Variants in CD28 observed in about 807,000 individuals in gnomAD.
CD28 encodes T-cell-specific surface glycoprotein CD28.
A neutral mutation model predicts 21.4 loss-of-function variants in CD28; 8 were observed. The ratio of observed to expected loss-of-function variants is 0.37; its 90% CI spans 0.22 to 0.68. The LOEUF (loss-of-function observed/expected upper bound fraction) is 0.68, where lower values mean the gene tolerates loss of function less well. CD28 is among the 30% of genes least tolerant of loss of function. The probability of loss-of-function intolerance (pLI) is 0.55; values close to 1 mark genes in which losing one functional copy is unlikely to be tolerated. For missense variants in CD28, 239 were observed against 272.2 expected (o/e 0.88, Z 0.86); for synonymous variants, 106 against 104.0 (o/e 1.02, Z -0.12).
Position 203,735,557 on chromosome 2 carries a change from G to A in CD28, c.*645G>A, listed in dbSNP as rs200337777. On this transcript the variant is annotated 3_prime_UTR_variant, in exon 4 of 4. Transcript: ENST00000324106. Reference sequence around the variant, plus strand: ...CCAAATGAGGGATTTGGTCAAATGAGGGATTCCCTCAAAGCAATATCAGGT... The same window carrying A: ...CCAAATGAGGGATTTGGTCAAATGAAGGATTCCCTCAAAGCAATATCAGGT... The A allele has an allele frequency of 1.5e-4, 23 of 152,594 alleles. No individual in the cohort carries two copies. The highest frequency in any genetic ancestry group is 5.1e-4 in the African/African-American group (21 of 41,422). The allele number at this position is 152,594 out of a possible 1,614,324, so 9.5% of individuals were successfully genotyped here.
intron 1 of CD28, among the ~76,000 whole-genome samples, chr2:203,714,688 T>G (rs187288333): frequency 6.6e-4 from 101 of 152,256 alleles, no homozygotes; most frequent in Non-Finnish European, 1.3e-3. Flanking sequence ...GAAGTGGAAT[T>G]TTTTAAAAAG....
intron 3 of CD28, among the ~76,000 whole-genome samples, chr2:203,732,850 C>A (rs1004136790): frequency 6.6e-6 from 1 of 152,198 alleles, no homozygotes; most frequent in African/African-American, 2.4e-5. Context: ...AGTAAGTCTG[C>A]CATCTGACAA....
intron 1 of CD28, among the ~76,000 whole-genome samples, chr2:203,712,163 G>A (rs907173153): frequency 2.6e-5 from 4 of 151,618 alleles, no homozygotes; most frequent in African/African-American, 9.7e-5. Context: ...ATGCACTCCA[G>A]CCTGGGTGAC....
intron 1 of CD28, among the ~76,000 whole-genome samples, chr2:203,713,974 A>G (rs997610902): frequency 6.6e-5 from 10 of 151,456 alleles, no homozygotes; most frequent in African/African-American, 2.4e-4. Context: ...GGAGAGGAAA[A>G]AAAGAGGGTG....
In CD28 at chr2:203,737,143, T is replaced by C. The variant is rs1422646191; in HGVS notation, c.*2231T>C. 6.6e-6 allele frequency: 1 copy of C among 152,222 alleles called. No individual in the cohort carries two copies. Among genetic ancestry groups the C allele is most frequent in the Non-Finnish European group, 1.5e-5 (1 of 68,046 alleles). The allele number at this position is 152,222 out of a possible 1,614,324, so 9.4% of individuals were successfully genotyped here. Reference sequence around the variant, plus strand: ...ATAGAAAGAGGTCTTTTAATTTTTTTTTAATGTGAGAAGGAAGGGAGGAGT... The same window carrying C: ...ATAGAAAGAGGTCTTTTAATTTTTTCTTAATGTGAGAAGGAAGGGAGGAGT... On this transcript the variant is annotated 3_prime_UTR_variant, in exon 4 of 4. Transcript: ENST00000324106.
intron 1 of CD28, among the ~76,000 whole-genome samples, chr2:203,723,824 C>T (rs1693672351): frequency 6.6e-6 from 1 of 152,188 alleles, no homozygotes; most frequent in Non-Finnish European, 1.5e-5. Context: ...GCTTTGGCAA[C>T]AGTTTGACGA....
At chr2:203,727,337 G>A (rs1293880024) in intron 2 of CD28, among the ~76,000 whole-genome samples, 2 of 151,952 alleles carry the variant, frequency 1.3e-5, no homozygotes, top group African/African-American at 4.8e-5. Context: ...GGGTCTAATG[G>A]GTTAAGACTC....
At chr2:203,712,197 C>CAA (rs1442567377) in intron 1 of CD28, among the ~76,000 whole-genome samples, 3 of 82,454 alleles carry the variant, frequency 3.6e-5, no homozygotes, top group African/African-American at 1.2e-4. Flanking sequence ...GTCTCAACAA[C>CAA]AACAAAAAAA....
intron 3 of CD28, 131 bp downstream of exon 3, chr2:203,729,903 A>G (rs745788782): frequency 3.6e-5 from 33 of 904,672 alleles, no homozygotes; most frequent in Non-Finnish European, 5.4e-5. Flanking sequence ...CCCATGCTTG[A>G]GTAGGTTCTC....
chr2:203,710,976 CT>C lies in CD28; in HGVS notation c.52+4229del, dbSNP rs567976870. 5.3e-5 allele frequency among the ~76,000 whole-genome samples: 8 copies of C among 152,282 alleles called. No homozygotes were observed. In the East Asian group the frequency reaches 1.5e-3, roughly 29 times the overall value. The stretch of plus-strand genomic sequence containing the variant: ...CTTTTCTTCTCAGTACATAGTTGAG[CT>C]GAGCATCTGGAAAAATTACATCTGG... On this transcript the variant is annotated intron_variant, in intron 1 of 3. Transcript: ENST00000324106.
intron 3 of CD28, among the ~76,000 whole-genome samples, chr2:203,734,224 G>C (rs1296123048): frequency 6.6e-6 from 1 of 152,176 alleles, no homozygotes; most frequent in African/African-American, 2.4e-5. Context: ...CATCCTGATG[G>C]AGCCAAGCCT....
rs1459735553 is a variant in CD28, at chr2:203,726,618, T to C, written c.53-15T>C. On this transcript the variant is annotated splice_polypyrimidine_tract_variant and intron_variant, in intron 1 of 3. Coordinates refer to ENST00000324106, the MANE Select transcript of CD28 (RefSeq NM_006139.4). ...TATATTCTTGTTCTAAGCAAATGAT[T>C]TTTTTTTCCCCCAGGAAACAAGATT... 1 of 1,576,936 alleles carries C rather than the reference T, an allele frequency of 6.3e-7. No homozygotes were observed. Among genetic ancestry groups the C allele is most frequent in the Non-Finnish European group, 8.6e-7 (1 of 1,157,590 alleles).
intron 3 of CD28, among the ~76,000 whole-genome samples, chr2:203,732,761 G>T (rs1354372924): frequency 6.6e-6 from 1 of 152,208 alleles, no homozygotes; most frequent in Non-Finnish European, 1.5e-5. Context: ...GGGTGCTGTA[G>T]GTTCTGCGTG....
chr2:203,726,240 T>C (rs1693745061), intron 1 of CD28, among the ~76,000 whole-genome samples: 2 of 152,116 alleles, frequency 1.3e-5, no homozygotes, highest in Non-Finnish European at 2.9e-5. Flanking sequence ...AACAGATCTA[T>C]TTTTGTGTCT....
intron 1 of CD28, among the ~76,000 whole-genome samples, chr2:203,708,180 G>A (rs939334923): frequency 5.3e-5 from 8 of 152,128 alleles, no homozygotes; most frequent in African/African-American, 1.7e-4. Flanking sequence ...CCAATCTGCA[G>A]AGGTACAGTA....
chr2:203,716,531 A>G (rs1693466575), intron 1 of CD28, among the ~76,000 whole-genome samples: 1 of 152,224 alleles, frequency 6.6e-6, no homozygotes, highest in Non-Finnish European at 1.5e-5. Flanking sequence ...AGAAGTCAGA[A>G]TACCAAAGGA....
At chr2:203,709,620 C>T (rs1409256908) in intron 1 of CD28, among the ~76,000 whole-genome samples, 2 of 152,124 alleles carry the variant, frequency 1.3e-5, no homozygotes, top group African/African-American at 2.4e-5. Flanking sequence ...CTGAGATCCA[C>T]AGAGAGTATT....
At chr2:203,728,143 T>C (rs1336821059) in intron 2 of CD28, among the ~76,000 whole-genome samples, 4 of 152,214 alleles carry the variant, frequency 2.6e-5, no homozygotes, top group Admixed American at 6.5e-5. Context: ...ATACAAAGAA[T>C]GCTGGACTAG....
chr2:203,711,149 C>G (rs1693300451), intron 1 of CD28, among the ~76,000 whole-genome samples: 2 of 152,208 alleles, frequency 1.3e-5, no homozygotes, highest in Non-Finnish European at 2.9e-5. Flanking sequence ...AGACAATTCA[C>G]TCAGAGCTTT....
Sources: allele counts gnomAD v4.1 joint callset (sites outside exome capture counted in the v4.1 genomes callset), GRCh38; gene constraint gnomAD v4.1.1; transcripts MANE v1.5; gene names NCBI Gene and HGNC (gene_info 2026-07-23, HGNC 2026-07-21).